Variants in C17orf67 observed in about 807,000 individuals in gnomAD.
The protein encoded by C17orf67 is uncharacterized protein C17orf67.
A neutral mutation model predicts 11.2 loss-of-function variants in C17orf67; 12 were observed. That is an observed-to-expected ratio of 1.07 (90% confidence interval 0.68 to 1.73). The LOEUF (loss-of-function observed/expected upper bound fraction) is 1.73, where lower values mean the gene tolerates loss of function less well. Ranked by LOEUF, C17orf67 falls within the 40% of genes most tolerant of loss-of-function variation. The probability of loss-of-function intolerance (pLI) is 0.00; values close to 1 mark genes in which losing one functional copy is unlikely to be tolerated. For missense variants in C17orf67, 115 were observed against 113.5 expected, an observed-to-expected ratio of 1.01 and a Z score of -0.06; for synonymous variants, 59 against 46.9, an observed-to-expected ratio of 1.26 and a Z score of -1.05.
intron 2 of C17orf67, among the ~76,000 whole-genome samples, chr17:56,831,547 G>A (rs911226799): frequency 1.3e-5 from 2 of 152,140 alleles, no homozygotes; most frequent in African/African-American, 4.8e-5. Context: ...TCATTGGGGC[G>A]TGAAGTTACT....
At chr17:56,832,173 C>T (rs1158216223) in intron 2 of C17orf67, among the ~76,000 whole-genome samples, 1 of 152,124 alleles carries the variant, frequency 6.6e-6, no homozygotes, top group African/African-American at 2.4e-5. Flanking sequence ...ATCTTGAATT[C>T]CTGACCCCGT....
At chr17:56,800,096 C>A (rs183094879) in intron 6 of C17orf67, among the ~76,000 whole-genome samples, 3,509 of 126,024 alleles carry the variant, frequency 0.028, 141 homozygotes, top group African/African-American at 0.099. Context: ...GACGGAGTCT[C>A]GCTCTGTCGC....
chr17:56,798,035 C>T (rs1905244823), intron 6 of C17orf67, among the ~76,000 whole-genome samples: 2 of 150,336 alleles, frequency 1.3e-5, no homozygotes, highest in South Asian at 4.3e-4. Context: ...ACAGGTACTG[C>T]CTATCATACT....
At chr17:56,805,816 A>G (rs544080819) in intron 6 of C17orf67, among the ~76,000 whole-genome samples, 2 of 152,326 alleles carry the variant, frequency 1.3e-5, no homozygotes, top group Non-Finnish European at 2.9e-5. Context: ...CAAATAGATT[A>G]TAATAATATG....
chr17:56,797,489 T>C (rs1481744164), intron 6 of C17orf67, among the ~76,000 whole-genome samples: 1 of 152,068 alleles, frequency 6.6e-6, no homozygotes, highest in Non-Finnish European at 1.5e-5. Context: ...GGATTCAGTC[T>C]GCAGGAGTCA....
chr17:56,820,890 T>C (rs1246170501), intron 4 of C17orf67, among the ~76,000 whole-genome samples: 1 of 150,522 alleles, frequency 6.6e-6, no homozygotes, highest in Non-Finnish European at 1.5e-5. Flanking sequence ...CTATAGAAAC[T>C]TTAGAGACAA....
At chr17:56,794,065 T>C (rs1002956365) in intron 7 of C17orf67, among the ~76,000 whole-genome samples, 1 of 152,192 alleles carries the variant, frequency 6.6e-6, no homozygotes, top group African/African-American at 2.4e-5. Context: ...AAGCCTAGCA[T>C]ACCAACCACT....
At chr17:56,805,183 T>C (rs1409592901) in intron 6 of C17orf67, among the ~76,000 whole-genome samples, 1 of 152,174 alleles carries the variant, frequency 6.6e-6, no homozygotes, top group Non-Finnish European at 1.5e-5. Context: ...TCTGATTTAC[T>C]AGGGGGAGGC....
At chr17:56,811,795 A>C (rs1905635238) in intron 6 of C17orf67, among the ~76,000 whole-genome samples, 1 of 152,174 alleles carries the variant, frequency 6.6e-6, no homozygotes, top group South Asian at 2.1e-4. Context: ...CTTTTTGTCT[A>C]AACAACTAAG....
In C17orf67 at chr17:56,830,874, G is replaced by GC. The variant is rs554841778; in HGVS notation, c.-557+2023dup. Among the ~76,000 whole-genome samples, 503 of 152,304 alleles carry GC rather than the reference G, an allele frequency of 3.3e-3. 3 individuals carry two copies. Among genetic ancestry groups the GC allele is most frequent in the Middle Eastern group, 0.014 (4 of 294 alleles). On this transcript the variant is annotated intron_variant, in intron 2 of 7. Transcript: ENST00000397861. The stretch of plus-strand genomic sequence containing the variant: ...TCAGCAAGGCCTCTGTCGGGAGGGA[G>GC]CACCTGGGCAACGAAGACATAGGGA...
intron 6 of C17orf67, among the ~76,000 whole-genome samples, chr17:56,797,342 C>T (rs1905231974): frequency 6.6e-6 from 1 of 152,174 alleles, no homozygotes; most frequent in East Asian, 1.9e-4. Flanking sequence ...GTGGGTGGGG[C>T]TGCTGTGGTC....
At chr17:56,816,341 C>T (rs1210767162) in intron 4 of C17orf67, among the ~76,000 whole-genome samples, 5 of 152,168 alleles carry the variant, frequency 3.3e-5, no homozygotes. Context: ...AAACAGAGTT[C>T]AAATCCTAGC....
intron 6 of C17orf67, among the ~76,000 whole-genome samples, chr17:56,810,004 CCA>C (rs760547888): frequency 2.1e-5 from 3 of 145,342 alleles, no homozygotes; most frequent in Non-Finnish European, 3.0e-5. Context: ...CACACACACC[CCA>C]GACATCCCTC....
intron 6 of C17orf67, among the ~76,000 whole-genome samples, chr17:56,799,824 C>T (rs1256185038): frequency 6.6e-6 from 1 of 151,954 alleles, no homozygotes; most frequent in Non-Finnish European, 1.5e-5. Context: ...TAATGATGTA[C>T]GATGTTTCAC....
rs144798644 is a variant in C17orf67 at position 56,815,029 on chromosome 17, C to G, written c.56-60G>C. 2.3e-4 allele frequency: 313 copies of G among 1,389,324 alleles called. 1 individual carries two copies. Among genetic ancestry groups the G allele is most frequent in the Non-Finnish European group, 3.1e-4 (305 of 975,744 alleles). 86.1% of individuals were successfully genotyped at this position (1,389,324 alleles called of 1,614,324 possible). On this transcript the variant is annotated intron_variant, in intron 5 of 7. Coordinates refer to ENST00000397861, the MANE Select transcript of C17orf67 (RefSeq NM_001085430.4). ...AGGCTCAGGAGTTCATGAGCCATCT[C>G]AACAGTCCAAGGCAAAAGATTTGCA...
rs146076353 is a variant in C17orf67, at chr17:56,792,630, T to TA, written c.*21-279_*21-278insT. On this transcript the variant is annotated intron_variant, in intron 7 of 7. Coordinates refer to ENST00000397861, the MANE Select transcript of C17orf67 (RefSeq NM_001085430.4). The stretch of plus-strand genomic sequence containing the variant: ...ATGGTGGTGGTGGTGATAATGGTGA[T>TA]GTGGTGGTGGTGGTGATGGTGCTGA... 2.5e-3 allele frequency among the ~76,000 whole-genome samples: 318 copies of TA among 125,548 alleles called. 40 individuals are homozygous for TA. Among genetic ancestry groups the TA allele is most frequent in the Middle Eastern group, 9.0e-3 (2 of 222 alleles). 82.4% of individuals were successfully genotyped at this position (125,548 alleles called of 152,430 possible).
chr17:56,815,748 G>C lies in C17orf67; in HGVS notation c.55+8C>G. The C allele has an allele frequency of 6.2e-7, 1 of 1,605,030 alleles. No homozygotes were observed. The highest frequency in any genetic ancestry group is 8.5e-7 in the Non-Finnish European group (1 of 1,173,820). Reference sequence around the variant, plus strand: ...TAGAAATAGGCTGTTTTTGGAGTCAGTGCCCACCTGAGAAGACAGTCAGTA... The same window carrying C: ...TAGAAATAGGCTGTTTTTGGAGTCACTGCCCACCTGAGAAGACAGTCAGTA... On this transcript the variant is annotated splice_region_variant and intron_variant, in intron 5 of 7. Coordinates refer to ENST00000397861, the MANE Select transcript of C17orf67 (RefSeq NM_001085430.4).
At chr17:56,819,885 T>A (rs1183077264) in intron 4 of C17orf67, among the ~76,000 whole-genome samples, 2 of 152,096 alleles carry the variant, frequency 1.3e-5, no homozygotes, top group African/African-American at 4.8e-5. Context: ...ACAACTAAGA[T>A]CAGGGGAAAG....
In C17orf67 at chr17:56,815,763, G is replaced by A. The variant is rs1468502691; in HGVS notation, c.48C>T (p.Val16=). The change falls in exon 5 of 8, where the codon GTC becomes GTT. Residue 16 remains valine (V), a synonymous_variant. Coordinates refer to ENST00000397861, the MANE Select transcript of C17orf67 (RefSeq NM_001085430.4). ...TTTGGAGTCAGTGCCCACCTGAGAA[G>A]ACAGTCAGTAAGGTAAGAGACAGCA... is the stretch of plus-strand genomic sequence containing the variant. ...VLVLSLTLLT[V]FSETSPILTE... The A allele has an allele frequency of 1.9e-6, 3 of 1,610,302 alleles. No homozygotes were observed. The highest frequency in any genetic ancestry group is 2.5e-6 in the Non-Finnish European group (3 of 1,177,412).
Sources: gnomAD v4.1 joint callset for allele counts (sites outside exome capture counted in the v4.1 genomes callset) on GRCh38, gnomAD v4.1.1 for gene constraint, MANE v1.5 for transcripts, NCBI Gene and HGNC (gene_info 2026-07-23, HGNC 2026-07-21) for gene names.